The following KIAA0825 variants were observed in gnomAD, a reference collection of about 807,000 sequenced individuals.
KIAA0825 encodes the protein KIAA0825, also known as uncharacterized protein KIAA0825.
In KIAA0825, 119 loss-of-function variants were observed where a neutral mutation model predicts 147.6. The ratio of observed to expected loss-of-function variants is 0.81; its 90% confidence interval spans 0.69 to 0.94. The LOEUF is 0.94. Among genes scored for constraint, KIAA0825 ranks in the 40% least tolerant of loss-of-function variants. KIAA0825 has a pLI of 0.00. For missense variants in KIAA0825, 1,381 were observed against 1,472.7 expected (o/e 0.94, Z 1.02); for synonymous variants, 470 against 518.1 (o/e 0.91, Z 1.26).
chr5:94,458,481 T>C (rs1291187862), intron 12 of KIAA0825, among the ~76,000 whole-genome samples: 3 of 152,190 alleles, frequency 2.0e-5, no homozygotes, highest in Non-Finnish European at 4.4e-5. Context: ...AGAGAAAGAC[T>C]GGACCTTGGG....
chr5:94,433,510 C>T (rs1187661617), intron 14 of KIAA0825, among the ~76,000 whole-genome samples: 1 of 152,160 alleles, frequency 6.6e-6, no homozygotes, highest in Non-Finnish European at 1.5e-5. Context: ...TGCAATATTG[C>T]TATTTGGTAA....
chr5:94,475,955 T>G (rs1761845913), intron 7 of KIAA0825, among the ~76,000 whole-genome samples: 1 of 152,248 alleles, frequency 6.6e-6, no homozygotes, highest in African/African-American at 2.4e-5. Flanking sequence ...CCATTTAGAC[T>G]AGAGAACACT....
intron 5 of KIAA0825, among the ~76,000 whole-genome samples, chr5:94,506,444 A>C (rs1740473240): frequency 6.6e-6 from 1 of 152,236 alleles, no homozygotes; most frequent in African/African-American, 2.4e-5. Context: ...GAGATGACAA[A>C]AGTGAGATAT....
chr5:94,288,420 G>T (rs1463072494), intron 20 of KIAA0825, among the ~76,000 whole-genome samples: 1 of 152,152 alleles, frequency 6.6e-6, no homozygotes, highest in African/African-American at 2.4e-5. Context: ...AATAGAGACA[G>T]TTGTATTTAT....
At chr5:94,393,734 C>T (rs1750224516) in intron 17 of KIAA0825, among the ~76,000 whole-genome samples, 1 of 152,114 alleles carries the variant, frequency 6.6e-6, no homozygotes, top group South Asian at 2.1e-4. Flanking sequence ...ATACATTTTT[C>T]CTCACAGTGT....
At chr5:94,475,749 C>A (rs1016231091) in intron 7 of KIAA0825, among the ~76,000 whole-genome samples, 1 of 152,084 alleles carries the variant, frequency 6.6e-6, no homozygotes, top group South Asian at 2.1e-4. Context: ...GCGGAGATTG[C>A]AGTGAGCTGA....
At chr5:94,337,799 G>T (rs1169779622) in intron 20 of KIAA0825, among the ~76,000 whole-genome samples, 3 of 152,154 alleles carry the variant, frequency 2.0e-5, no homozygotes, top group Non-Finnish European at 4.4e-5. Flanking sequence ...CTACAGGCAG[G>T]GCAGCTCATG....
intron 20 of KIAA0825, among the ~76,000 whole-genome samples, chr5:94,322,488 T>G (rs1232087042): frequency 1.3e-5 from 2 of 151,924 alleles, no homozygotes; most frequent in Admixed American, 6.6e-5. Flanking sequence ...ATAAACATCC[T>G]ATATGTTAGA....
intron 20 of KIAA0825, among the ~76,000 whole-genome samples, chr5:94,342,738 A>G (rs754539456): frequency 6.6e-6 from 1 of 152,174 alleles, no homozygotes; most frequent in African/African-American, 2.4e-5. Context: ...TATGACCACC[A>G]TGTCAATTTA....
At chr5:94,559,947 C>A (rs1287827780) in intron 2 of KIAA0825, among the ~76,000 whole-genome samples, 1 of 152,158 alleles carries the variant, frequency 6.6e-6, no homozygotes, top group Non-Finnish European at 1.5e-5. Flanking sequence ...CATAAAGAAT[C>A]TGCATTAATG....
intron 20 of KIAA0825, among the ~76,000 whole-genome samples, chr5:94,154,617 G>A (rs911204800): frequency 6.6e-6 from 1 of 152,080 alleles, no homozygotes; most frequent in Admixed American, 6.5e-5. Flanking sequence ...AATAAGATCA[G>A]ATTTGAAGCA....
chr5:94,380,805 A>G (rs1393615043), intron 20 of KIAA0825, among the ~76,000 whole-genome samples: 2 of 152,248 alleles, frequency 1.3e-5, no homozygotes, highest in Non-Finnish European at 2.9e-5. Flanking sequence ...TATTTAGAGC[A>G]TCATGAATCG....
intron 20 of KIAA0825, among the ~76,000 whole-genome samples, chr5:94,219,322 C>T (rs972183185): frequency 2.0e-5 from 3 of 151,930 alleles, no homozygotes; most frequent in Non-Finnish European, 2.9e-5. Context: ...CTAATGTTGC[C>T]GCTGATCTGA....
chr5:94,386,621 T>C (rs1749180248), intron 18 of KIAA0825, among the ~76,000 whole-genome samples: 1 of 152,212 alleles, frequency 6.6e-6, no homozygotes, highest in South Asian at 2.1e-4. Context: ...ATATTTAGTA[T>C]AGATTAGGAA....
In KIAA0825 at chr5:94,362,635, A is replaced by G. The variant is rs554783260; in HGVS notation, c.3710+21733T>C. ...CTACTGTACTTATATGGTAACTTGCATGAACCTCTATTATAGCTATACCCA... is the reference window on the plus strand; with the variant it reads ...CTACTGTACTTATATGGTAACTTGCGTGAACCTCTATTATAGCTATACCCA... On this transcript the variant is annotated intron_variant, in intron 20 of 20. Coordinates refer to ENST00000682413, the MANE Select transcript of KIAA0825 (RefSeq NM_001145678.3). Among the ~76,000 whole-genome samples, 313 of 140,606 alleles carry G rather than the reference A, an allele frequency of 2.2e-3. 2 individuals carry two copies. Among genetic ancestry groups the G allele is most frequent in the African/African-American group, 7.5e-3 (307 of 40,840 alleles). The allele number at this position is 140,606 out of a possible 152,430, so 92.2% of individuals were successfully genotyped here.
At chr5:94,213,368 T>C (rs1277966514) in intron 20 of KIAA0825, among the ~76,000 whole-genome samples, 1 of 152,204 alleles carries the variant, frequency 6.6e-6, no homozygotes, top group Non-Finnish European at 1.5e-5. Context: ...CCATTATCTC[T>C]GGCTAGAATG....
intron 20 of KIAA0825, among the ~76,000 whole-genome samples, chr5:94,221,025 C>A (rs1047859192): frequency 3.9e-5 from 6 of 152,154 alleles, no homozygotes; most frequent in African/African-American, 1.4e-4. Flanking sequence ...GATTGTTTCT[C>A]TAATTTTGTA....
chr5:94,285,862 G>A (rs1017960686), intron 20 of KIAA0825, among the ~76,000 whole-genome samples: 4 of 152,018 alleles, frequency 2.6e-5, no homozygotes, highest in East Asian at 1.9e-4. Flanking sequence ...ATACAGCCAC[G>A]GCCAGGAAAA....
chr5:94,163,395 G>A (rs1422339712), intron 20 of KIAA0825, among the ~76,000 whole-genome samples: 3 of 151,956 alleles, frequency 2.0e-5, no homozygotes, highest in Non-Finnish European at 4.4e-5. Flanking sequence ...TCCTTCTTCC[G>A]ACTTTCTTTA....
Sources: allele counts gnomAD v4.1 joint callset (sites outside exome capture counted in the v4.1 genomes callset), GRCh38; gene constraint gnomAD v4.1.1; transcripts MANE v1.5; gene names NCBI Gene and HGNC (gene_info 2026-07-23, HGNC 2026-07-21).